The following NME7 variants were observed in gnomAD, a reference collection of about 807,000 sequenced individuals.
NME7 encodes NME/NM23 family member 7.
NME7 carries 41 observed loss-of-function variants against 49.1 expected under a neutral mutation model. The observed-to-expected ratio is 0.83, with a 90% CI of 0.65 to 1.08. The LOEUF is 1.08. NME7 is among the 50% of genes least tolerant of loss of function. The probability of loss-of-function intolerance (pLI) is 0.00; values close to 1 mark genes in which losing one functional copy is unlikely to be tolerated. For missense variants in NME7, 423 were observed against 463.4 expected, an observed-to-expected ratio of 0.91 and a Z score of 0.80; for synonymous variants, 139 against 150.6, an observed-to-expected ratio of 0.92 and a Z score of 0.56.
At chr1:169,220,324 T>G (rs959120198) in intron 10 of NME7, among the ~76,000 whole-genome samples, 6 of 152,182 alleles carry the variant, frequency 3.9e-5, no homozygotes, top group Non-Finnish European at 7.3e-5. Flanking sequence ...ATAAATAAAC[T>G]TTATTACAGT....
chr1:169,169,562 A>ATGTCTTTGTAG lies in NME7; in HGVS notation c.991-9_991-8insCTACAAAGACA. On this transcript the variant is annotated splice_polypyrimidine_tract_variant and intron_variant, in intron 10 of 11. Coordinates refer to ENST00000367811, the MANE Select transcript of NME7 (RefSeq NM_013330.5). ...TAAATGCCGGGCAATTTCCTATTAAACATACATTCACATATAGATTAATGT... is the reference window on the plus strand; with the variant it reads ...TAAATGCCGGGCAATTTCCTATTAAATGTCTTTGTAGCATACATTCACATATAGATTAATGT... The ATGTCTTTGTAG allele has an allele frequency of 6.2e-7, 1 of 1,604,938 alleles. No homozygotes were observed. Among genetic ancestry groups the ATGTCTTTGTAG allele is most frequent in the Admixed American group, 1.7e-5 (1 of 60,002 alleles).
At chr1:169,248,646 G>A (rs945752709) in intron 7 of NME7, among the ~76,000 whole-genome samples, 5 of 152,076 alleles carry the variant, frequency 3.3e-5, no homozygotes, top group Non-Finnish European at 5.9e-5. Flanking sequence ...ATCTTGAGAT[G>A]ATTTTTGTAT....
chr1:169,219,138 G>C (rs933987266), intron 10 of NME7, among the ~76,000 whole-genome samples: 5 of 152,092 alleles, frequency 3.3e-5, no homozygotes, highest in East Asian at 3.9e-4. Context: ...TTTCTGAATA[G>C]CCTATTCCCT....
At chr1:169,217,892 C>T (rs896983816) in intron 10 of NME7, among the ~76,000 whole-genome samples, 14 of 152,136 alleles carry the variant, frequency 9.2e-5, no homozygotes, top group African/African-American at 3.4e-4. Context: ...TATGATGCCA[C>T]TCCTTCCTCT....
At chr1:169,298,842 A>C in intron 5 of NME7, 79 bp from the exon 6 acceptor site, 1 of 1,099,490 alleles carries the variant, frequency 9.1e-7, no homozygotes, top group Non-Finnish European at 1.3e-6. Flanking sequence ...ATATATTTAA[A>C]TTGGATTATT....
intron 7 of NME7, among the ~76,000 whole-genome samples, chr1:169,263,667 T>C (rs1649231364): frequency 7.5e-6 from 1 of 133,488 alleles, no homozygotes; most frequent in Admixed American, 7.3e-5. Flanking sequence ...AGAAAACAAG[T>C]TGAAAAACAT....
At chr1:169,348,552 A>T (rs1653030965) in intron 1 of NME7, among the ~76,000 whole-genome samples, 1 of 152,186 alleles carries the variant, frequency 6.6e-6, no homozygotes, top group African/African-American at 2.4e-5. Context: ...CTTCAATATG[A>T]TTAAAATTAA....
intron 10 of NME7, chr1:169,190,635 A>G (rs758661294): frequency 1.6e-5 from 7 of 430,726 alleles, no homozygotes; most frequent in South Asian, 6.7e-5. Context: ...TTTGATTTTA[A>G]TACTCACGGA....
chr1:169,275,744 G>C (rs1395371008), intron 7 of NME7, among the ~76,000 whole-genome samples: 3 of 132,718 alleles, frequency 2.3e-5, no homozygotes, highest in Admixed American at 2.2e-4. Context: ...TGGTGAGAGA[G>C]GGCATCCCTG....
chr1:169,289,232 C>T (rs1650400254), intron 6 of NME7, among the ~76,000 whole-genome samples: 1 of 152,228 alleles, frequency 6.6e-6, no homozygotes, highest in East Asian at 1.9e-4. Context: ...TCATTACTTG[C>T]CTTTCTTCCT....
At chr1:169,158,182 TC>T (rs1659136831) in intron 11 of NME7, among the ~76,000 whole-genome samples, 1 of 152,148 alleles carries the variant, frequency 6.6e-6, no homozygotes, top group African/African-American at 2.4e-5. Flanking sequence ...ATGTTCCAGT[TC>T]CCCCAGTGGA....
Position 169,255,468 on chromosome 1 carries a change from A to C in NME7, c.755-17781T>G, listed in dbSNP as rs1456941864. Among the ~76,000 whole-genome samples the C allele has an allele frequency of 5.1e-5, 6 of 118,518 alleles. No homozygotes were observed. In the South Asian group the frequency reaches 8.3e-4, roughly 16 times the overall value. The allele number at this position is 118,518 out of a possible 152,430, so 77.8% of individuals were successfully genotyped here. ...GAGCCTATGTGTGTCTCTGCACGTG[A>C]GATGGGTTTCCTGAATACAGCACAC... On this transcript the variant is annotated intron_variant, in intron 7 of 11. Transcript: ENST00000367811.
In NME7 at chr1:169,171,692, G is replaced by A. The variant is rs551434047; in HGVS notation, c.991-2138C>T. On this transcript the variant is annotated intron_variant, in intron 10 of 11. Transcript: ENST00000367811. Reference sequence around the variant, plus strand: ...GCAGAAGAATGGCTTGAACCCGGCGGTGCGGAGGTTGCAGTGAGCCGAGAT... The same window carrying A: ...GCAGAAGAATGGCTTGAACCCGGCGATGCGGAGGTTGCAGTGAGCCGAGAT... Among the ~76,000 whole-genome samples, 549 of 151,612 alleles carry A rather than the reference G, an allele frequency of 3.6e-3. 1 individual carries two copies. The highest frequency in any genetic ancestry group is 5.8e-3 in the Non-Finnish European group (393 of 67,830).
At chr1:169,135,186 CAAAA>C (rs1031343807) in intron 11 of NME7, among the ~76,000 whole-genome samples, 1 of 151,158 alleles carries the variant, frequency 6.6e-6, no homozygotes, top group African/African-American at 2.4e-5. Flanking sequence ...AAAACAAAAA[CAAAA>C]AAAACAACCA....
chr1:169,367,313 C>G (rs1314754566), intron 1 of NME7, among the ~76,000 whole-genome samples: 1 of 152,152 alleles, frequency 6.6e-6, no homozygotes, highest in African/African-American at 2.4e-5. Context: ...ACTCCAAGAT[C>G]TAGGGAGATT....
intron 1 of NME7, among the ~76,000 whole-genome samples, chr1:169,363,873 G>C (rs905297393): frequency 7.9e-5 from 12 of 152,282 alleles, no homozygotes; most frequent in East Asian, 1.9e-4. Context: ...GTGGGAACAG[G>C]AGTTCATTCA....
At chr1:169,154,697 C>T (rs949249076) in intron 11 of NME7, among the ~76,000 whole-genome samples, 1 of 151,446 alleles carries the variant, frequency 6.6e-6, no homozygotes, top group African/African-American at 2.4e-5. Flanking sequence ...ACTCAGGAGG[C>T]TGAGGCAGAA....
chr1:169,289,435 C>A (rs539359779), intron 6 of NME7, among the ~76,000 whole-genome samples: 2 of 152,206 alleles, frequency 1.3e-5, no homozygotes, highest in African/African-American at 4.8e-5. Context: ...ATAAATATAT[C>A]CACAGTGTAC....
At chr1:169,334,743 G>A (rs1460330590) in intron 1 of NME7, among the ~76,000 whole-genome samples, 1 of 152,124 alleles carries the variant, frequency 6.6e-6, no homozygotes, top group African/African-American at 2.4e-5. Context: ...AAGAGCTTCT[G>A]CACAGCAAAA....
Sources: gnomAD v4.1 joint callset for allele counts (sites outside exome capture counted in the v4.1 genomes callset) on GRCh38, gnomAD v4.1.1 for gene constraint, MANE v1.5 for transcripts, NCBI Gene and HGNC (gene_info 2026-07-23, HGNC 2026-07-21) for gene names.